The following NBEA variants were observed in gnomAD, a reference collection of about 807,000 sequenced individuals.
The protein encoded by NBEA is neurobeachin, also known as lysosomal-trafficking regulator 2.
A neutral mutation model predicts 343.4 loss-of-function variants in NBEA; 44 were observed. The observed-to-expected ratio is 0.13, with a 90% CI of 0.10 to 0.16. The LOEUF (loss-of-function observed/expected upper bound fraction) is 0.16. NBEA is among the 10% of genes least tolerant of loss of function. The probability of loss-of-function intolerance (pLI) is 1.00; values close to 1 mark genes in which losing one functional copy is unlikely to be tolerated. For missense variants in NBEA, 2,555 were observed against 3,631.3 expected (o/e 0.70, Z 7.62); for synonymous variants, 1,175 against 1,238.7 (o/e 0.95, Z 1.08).
chr13:35,026,771 A>G (rs888248553), intron 1 of NBEA, among the ~76,000 whole-genome samples: 14 of 152,134 alleles, frequency 9.2e-5, no homozygotes, highest in African/African-American at 3.4e-4. Context: ...TAAAATTAAC[A>G]TTAATAATAT....
At chr13:35,367,009 G>C (rs992905993) in intron 38 of NBEA, among the ~76,000 whole-genome samples, 1 of 151,322 alleles carries the variant, frequency 6.6e-6, no homozygotes, top group Non-Finnish European at 1.5e-5. Context: ...GTTTGGTGTA[G>C]TAAGAATCTC....
chr13:34,984,941 G>T (rs1393268130), intron 1 of NBEA, among the ~76,000 whole-genome samples: 3 of 151,000 alleles, frequency 2.0e-5, no homozygotes, highest in Non-Finnish European at 4.4e-5. Context: ...ATTTTGGGCT[G>T]AGATGATGGG....
At chr13:35,573,421 A>G (rs1359537512) in intron 45 of NBEA, among the ~76,000 whole-genome samples, 1 of 152,210 alleles carries the variant, frequency 6.6e-6, no homozygotes, top group Non-Finnish European at 1.5e-5. Flanking sequence ...AAGAACCAAG[A>G]AAAGTGCAAC....
At chr13:35,243,313 A>C (rs2030637805) in intron 34 of NBEA, among the ~76,000 whole-genome samples, 1 of 151,946 alleles carries the variant, frequency 6.6e-6, no homozygotes, top group African/African-American at 2.4e-5. Flanking sequence ...AATCACAACA[A>C]AATTCAACTA....
At chr13:34,950,991 A>T (rs2059333223) in intron 1 of NBEA, among the ~76,000 whole-genome samples, 1 of 152,188 alleles carries the variant, frequency 6.6e-6, no homozygotes, top group Non-Finnish European at 1.5e-5. Context: ...TCTCACAAAA[A>T]AAGAAATGAT....
chr13:35,391,924 G>T (rs1402721691), intron 38 of NBEA, among the ~76,000 whole-genome samples: 1 of 151,940 alleles, frequency 6.6e-6, no homozygotes, highest in Non-Finnish European at 1.5e-5. Context: ...TTTAGTTTTT[G>T]CTTCTATCTC....
chr13:34,951,428 A>G (rs528294606), intron 1 of NBEA, among the ~76,000 whole-genome samples: 3 of 152,296 alleles, frequency 2.0e-5, no homozygotes, highest in South Asian at 4.1e-4. Context: ...AGTACTTACT[A>G]TTGTTGTTTT....
At chr13:35,264,683 T>A (rs1302027461) in intron 34 of NBEA, among the ~76,000 whole-genome samples, 8 of 151,960 alleles carry the variant, frequency 5.3e-5, no homozygotes, top group African/African-American at 1.9e-4. Context: ...AAAAAGCATC[T>A]GACCAAATTC....
At chr13:35,061,744 C>T (rs1348500528) in intron 8 of NBEA, among the ~76,000 whole-genome samples, 1 of 151,704 alleles carries the variant, frequency 6.6e-6, no homozygotes, top group Non-Finnish European at 1.5e-5. Context: ...ATTTCCAATA[C>T]TTGTATGGAG....
intron 48 of NBEA, among the ~76,000 whole-genome samples, chr13:35,622,552 C>G (rs923488437): frequency 3.9e-5 from 6 of 152,120 alleles, no homozygotes; most frequent in African/African-American, 1.4e-4. Context: ...AAATAAACAT[C>G]AAAGACAACT....
chr13:35,140,746 G>T (rs2068042562), intron 17 of NBEA, among the ~76,000 whole-genome samples: 9 of 152,026 alleles, frequency 5.9e-5, no homozygotes, highest in Admixed American at 5.9e-4. Context: ...GGACATAAAT[G>T]GTTCATTTGA....
chr13:35,216,877 T>C (rs1457534179), intron 33 of NBEA, among the ~76,000 whole-genome samples: 1 of 152,002 alleles, frequency 6.6e-6, no homozygotes, highest in African/African-American at 2.4e-5. Flanking sequence ...TCTGTTTTTA[T>C]GTGAACATAC....
In NBEA at chr13:35,161,793, G is replaced by A. The variant is rs746740466; in HGVS notation, c.3905G>A (p.Arg1302Gln). 7 of 1,612,130 alleles carry A rather than the reference G, an allele frequency of 4.3e-6. No individual in the cohort carries two copies. The Admixed American group carries it at 6.7e-5, about 15-fold the overall frequency. Residue 1302 changes from arginine (R) to glutamine (Q), a missense_variant, in exon 23 of 59, where the codon CGA becomes CAA. By Grantham distance (43) the Arg-to-Gln change is conservative. Around this residue, in one of 21 missense-constraint regions of NBEA, gnomAD observed 367 missense variants for 377.5 expected, o/e 0.97. Coordinates refer to ENST00000379939, the MANE Select transcript of NBEA (RefSeq NM_001385012.1). ...RSITQQDRDL[R>Q]VDLGFRGMPM... Reference sequence around the variant, plus strand: ...ATCACCCAACAAGACCGAGATCTCCGAGTTGATTTAGGATTTCGAGGAATG... The same window carrying A: ...ATCACCCAACAAGACCGAGATCTCCAAGTTGATTTAGGATTTCGAGGAATG...
At chr13:35,337,588 A>G (rs1594267410) in intron 36 of NBEA, among the ~76,000 whole-genome samples, 2 of 152,222 alleles carry the variant, frequency 1.3e-5, no homozygotes, top group African/African-American at 4.8e-5. Flanking sequence ...AATAATGGAT[A>G]GAACACCTAG....
intron 8 of NBEA, among the ~76,000 whole-genome samples, chr13:35,062,838 G>A (rs902063494): frequency 8.6e-5 from 13 of 151,848 alleles, no homozygotes; most frequent in Non-Finnish European, 1.3e-4. Flanking sequence ...TGGATGATTA[G>A]GAGTATATAC....
intron 31 of NBEA, among the ~76,000 whole-genome samples, chr13:35,207,156 A>G: frequency 1.3e-5 from 2 of 152,080 alleles, no homozygotes; most frequent in Middle Eastern, 6.8e-3. Context: ...AATTAAGAAT[A>G]ATAATTATTA....
rs34241022 is a variant in NBEA at position 35,309,480 on chromosome 13, T to C, written c.5839-48T>C. 3,270 of 1,056,414 alleles carry C rather than the reference T, an allele frequency of 3.1e-3. 11 individuals are homozygous for C. The highest frequency in any genetic ancestry group is 4.0e-3 in the Non-Finnish European group (2,789 of 705,754). The allele number at this position is 1,056,414 out of a possible 1,614,324, so 65.4% of individuals were successfully genotyped here. A position where few individuals can be genotyped will look rare whatever the true frequency, so the allele number is the denominator to read the frequency against. ...ATGATCCTTAAACCAGAAGTTACTT[T>C]CATTAAGTGTTCACTTTTCTCACGT... On this transcript the variant is annotated intron_variant, in intron 35 of 58. Transcript: ENST00000379939.
intron 46 of NBEA, among the ~76,000 whole-genome samples, chr13:35,592,528 A>C (rs80337705): frequency 0.067 from 10,250 of 152,228 alleles, 389 homozygotes; most frequent in South Asian, 0.088. Context: ...GGAGAAAATG[A>C]CATCATGGCT....
intron 1 of NBEA, among the ~76,000 whole-genome samples, chr13:35,014,327 AT>A (rs886405347): frequency 7.2e-5 from 11 of 151,790 alleles, no homozygotes; most frequent in African/African-American, 2.2e-4. Flanking sequence ...GTCTTAAAAC[AT>A]TTTTTTTGTT....
Sources: allele counts gnomAD v4.1 joint callset (sites outside exome capture counted in the v4.1 genomes callset), GRCh38; gene constraint gnomAD v4.1.1; regional missense constraint gnomAD v4.1.1; transcripts MANE v1.5; gene names NCBI Gene and HGNC (gene_info 2026-07-23, HGNC 2026-07-21).